RIMS2: variants seen among roughly 807,000 people sequenced by gnomAD.
RIMS2 encodes the protein regulating synaptic membrane exocytosis 2.
A neutral mutation model predicts 174.4 loss-of-function variants in RIMS2; 59 were observed. The observed-to-expected ratio is 0.34, with a 90% CI of 0.27 to 0.42. The LOEUF (loss-of-function observed/expected upper bound fraction) is 0.42, where lower values mean the gene tolerates loss of function less well. RIMS2 is among the 10% of genes least tolerant of loss of function. RIMS2 has a pLI of 1.00. For missense variants in RIMS2, 1,620 were observed against 1,666.3 expected, an observed-to-expected ratio of 0.97 and a Z score of 0.48; for synonymous variants, 606 against 572.5, an observed-to-expected ratio of 1.06 and a Z score of -0.84.
chr8:103,517,079 T>C (rs1829358923), intron 1 of RIMS2, among the ~76,000 whole-genome samples: 1 of 152,220 alleles, frequency 6.6e-6, no homozygotes, highest in South Asian at 2.1e-4. Context: ...TAGGACACAG[T>C]CTCTGCCCTT....
At chr8:104,003,252 A>G (rs186886567) in intron 17 of RIMS2, among the ~76,000 whole-genome samples, 2 of 152,230 alleles carry the variant, frequency 1.3e-5, no homozygotes, top group East Asian at 1.9e-4. Context: ...ATTTAGATTG[A>G]TGTGGAGGTG....
intron 16 of RIMS2, among the ~76,000 whole-genome samples, chr8:103,987,383 A>C (rs992862116): frequency 6.6e-6 from 1 of 152,186 alleles, no homozygotes; most frequent in African/African-American, 2.4e-5. Context: ...TTGTTATGGT[A>C]ATTCATCATA....
At chr8:104,043,102 G>A (rs1243411263) in intron 19 of RIMS2, among the ~76,000 whole-genome samples, 1 of 151,596 alleles carries the variant, frequency 6.6e-6, no homozygotes, top group Non-Finnish European at 1.5e-5. Flanking sequence ...CAAATATGTT[G>A]TTAAATGGTA....
intron 19 of RIMS2, among the ~76,000 whole-genome samples, chr8:104,144,604 CA>C (rs1234082322): frequency 6.6e-6 from 1 of 152,078 alleles, no homozygotes; most frequent in Non-Finnish European, 1.5e-5. Context: ...ACATAGCTAT[CA>C]ACCAGAAAAA....
intron 14 of RIMS2, among the ~76,000 whole-genome samples, chr8:103,947,011 G>T (rs996363355): frequency 7.2e-5 from 11 of 152,140 alleles, no homozygotes; most frequent in African/African-American, 2.6e-4. Flanking sequence ...TGTTGTTGTT[G>T]TCTTTTTACT....
At chr8:104,032,564 G>GA (rs1294698969) in intron 19 of RIMS2, among the ~76,000 whole-genome samples, 2 of 151,722 alleles carry the variant, frequency 1.3e-5, no homozygotes, top group South Asian at 4.1e-4. Flanking sequence ...AGAATAAAAT[G>GA]AAAAAAGACA....
At chr8:103,716,770 G>A (rs1382160204) in intron 2 of RIMS2, among the ~76,000 whole-genome samples, 2 of 151,826 alleles carry the variant, frequency 1.3e-5, no homozygotes, top group African/African-American at 4.8e-5. Context: ...GTATATATTT[G>A]GCAGTTGATT....
chr8:104,119,808 T>C (rs901416160), intron 19 of RIMS2, among the ~76,000 whole-genome samples: 4 of 152,196 alleles, frequency 2.6e-5, no homozygotes, highest in Non-Finnish European at 4.4e-5. Flanking sequence ...AAAATAAAAG[T>C]CGTGGTAACT....
At chr8:103,567,328 A>C (rs2092440905) in intron 1 of RIMS2, among the ~76,000 whole-genome samples, 1 of 151,966 alleles carries the variant, frequency 6.6e-6, no homozygotes, top group African/African-American at 2.4e-5. Context: ...TTATTCCCTC[A>C]TCCCAGCCAC....
intron 3 of RIMS2, chr8:103,819,144 G>A (rs938122873): frequency 2.2e-5 from 21 of 947,708 alleles, no homozygotes; most frequent in Non-Finnish European, 1.0e-5. Flanking sequence ...AACTCCTGAC[G>A]ACAGCATCTA....
At chr8:103,986,319 A>G (rs547336812) in intron 16 of RIMS2, among the ~76,000 whole-genome samples, 3 of 152,300 alleles carry the variant, frequency 2.0e-5, no homozygotes, top group African/African-American at 4.8e-5. Flanking sequence ...GGATGGAATT[A>G]ATAAAGATTA....
intron 1 of RIMS2, among the ~76,000 whole-genome samples, chr8:103,599,613 A>AT (rs147252826): frequency 2.7e-5 from 4 of 150,180 alleles, no homozygotes; most frequent in South Asian, 2.1e-4. Context: ...TAATTAATTA[A>AT]TTTTTTTTGT....
chr8:103,554,197 A>G (rs1474771047), intron 1 of RIMS2, among the ~76,000 whole-genome samples: 1 of 152,162 alleles, frequency 6.6e-6, no homozygotes, highest in Admixed American at 6.6e-5. Context: ...ACCTTGACAA[A>G]TGGAATCTAA....
At chr8:103,927,994 A>G in intron 11 of RIMS2, 1 of 804,146 alleles carries the variant, frequency 1.2e-6, no homozygotes, top group Non-Finnish European at 2.0e-6. Flanking sequence ...ATGTTGCTCC[A>G]AATCATATTA....
intron 1 of RIMS2, among the ~76,000 whole-genome samples, chr8:103,685,901 T>C (rs1253007514): frequency 6.6e-6 from 1 of 152,158 alleles, no homozygotes; most frequent in Non-Finnish European, 1.5e-5. Flanking sequence ...ATTGATTGAA[T>C]AGATTGATTT....
intron 3 of RIMS2, among the ~76,000 whole-genome samples, chr8:103,865,450 A>G (rs1168882518): frequency 2.6e-5 from 4 of 151,394 alleles, no homozygotes; most frequent in Non-Finnish European, 5.9e-5. Flanking sequence ...ACACCCAGCT[A>G]ATTTCTGTAT....
At chr8:103,593,797 A>G (rs1031061359) in intron 1 of RIMS2, among the ~76,000 whole-genome samples, 90 of 151,500 alleles carry the variant, frequency 5.9e-4, no homozygotes, top group Admixed American at 1.7e-3. Flanking sequence ...CATGCAATGG[A>G]TTTATTATTA....
intron 19 of RIMS2, among the ~76,000 whole-genome samples, chr8:104,121,424 C>G (rs1027128930): frequency 6.6e-6 from 1 of 151,970 alleles, no homozygotes; most frequent in African/African-American, 2.4e-5. Context: ...CATCTCAGAC[C>G]GTTACCTTTT....
rs79421671 is a variant in RIMS2 at position 104,246,853 on chromosome 8, T to G, written c.3476+1796T>G. Among the ~76,000 whole-genome samples, 38 of 152,246 alleles carry G rather than the reference T, an allele frequency of 2.5e-4. No individual in the cohort carries two copies. The East Asian group carries it at 5.4e-3, about 22-fold the overall frequency. ...GTAAAGGATGAGGAATTAGGGCATG[T>G]GGCAGGGGCGGGGGCAGCTTATGTA... is the stretch of plus-strand genomic sequence containing the variant. On this transcript the variant is annotated intron_variant, in intron 20 of 23. Transcript: ENST00000504942.
Sources: allele counts gnomAD v4.1 joint callset (sites outside exome capture counted in the v4.1 genomes callset), GRCh38; gene constraint gnomAD v4.1.1; transcripts MANE v1.5; gene names NCBI Gene and HGNC (gene_info 2026-07-23, HGNC 2026-07-21).